The following ENTPD1 variants were observed in gnomAD, a reference collection of about 807,000 sequenced individuals.
ENTPD1 encodes ectonucleoside triphosphate diphosphohydrolase 1.
Under a neutral mutation model 57.0 loss-of-function variants are expected in ENTPD1, and 33 were observed. That is an observed-to-expected ratio of 0.58 (90% CI 0.44 to 0.77). The LOEUF is 0.77. Among genes scored for constraint, ENTPD1 ranks in the 30% least tolerant of loss-of-function variants. The pLI, the probability that ENTPD1 is intolerant of heterozygous loss-of-function variation, is 0.00. For synonymous variants in ENTPD1, 202 were observed against 218.8 expected (o/e 0.92, Z 0.68); for missense variants, 501 against 603.4 (o/e 0.83, Z 1.78).
intron 1 of ENTPD1, among the ~76,000 whole-genome samples, chr10:95,801,277 C>G (rs957154208): frequency 6.6e-6 from 1 of 152,124 alleles, no homozygotes; most frequent in African/African-American, 2.4e-5. Context: ...TTTGCCCATT[C>G]CTATGTCTGG....
At chr10:95,762,728 T>C (rs928889093) in intron 1 of ENTPD1, among the ~76,000 whole-genome samples, 1 of 152,214 alleles carries the variant, frequency 6.6e-6, no homozygotes, top group South Asian at 2.1e-4. Context: ...ACTTACTAGA[T>C]TGAAACTTGT....
chr10:95,700,858 T>C, the ENTPD1 span, among the ~76,000 whole-genome samples: 8 of 151,862 alleles, frequency 5.3e-5, no homozygotes, highest in Non-Finnish European at 7.4e-5. Context: ...AGTGGCATGA[T>C]CTCGGCTCAC....
intron 1 of ENTPD1, among the ~76,000 whole-genome samples, chr10:95,729,721 T>A (rs2097987397): frequency 1.3e-5 from 2 of 152,226 alleles, no homozygotes; most frequent in African/African-American, 4.8e-5. Flanking sequence ...CTTGGGTAGG[T>A]AAGAATTGAC....
In ENTPD1 at chr10:95,870,988, T is replaced by C; in HGVS notation, c.*4605T>C. 4.1e-6 allele frequency: 4 copies of C among 985,418 alleles called. No individual in the cohort carries two copies. The highest frequency in any genetic ancestry group is 4.8e-6 in the Non-Finnish European group (4 of 829,934). The allele number at this position is 985,418 out of a possible 1,614,324, so 61.0% of individuals were successfully genotyped here. A position where few individuals can be genotyped will look rare whatever the true frequency, so the allele number is the denominator to read the frequency against. Reference sequence around the variant, plus strand: ...CTCCTTGTCCAGTGGTTTCTAGGGATATGTTCTCATGATGAACCCCGCAGA... The same window carrying C: ...CTCCTTGTCCAGTGGTTTCTAGGGACATGTTCTCATGATGAACCCCGCAGA... On this transcript the variant is annotated 3_prime_UTR_variant, in exon 10 of 10. Transcript: ENST00000371205.
chr10:95,757,802 C>A (rs1467855995), intron 1 of ENTPD1, among the ~76,000 whole-genome samples: 1 of 151,592 alleles, frequency 6.6e-6, no homozygotes, highest in East Asian at 1.9e-4. Context: ...GTCAGGAGTT[C>A]GAGACCGGCC....
At chr10:95,772,666 G>C (rs528598530) in intron 1 of ENTPD1, among the ~76,000 whole-genome samples, 1 of 152,122 alleles carries the variant, frequency 6.6e-6, no homozygotes, top group African/African-American at 2.4e-5. Context: ...ATTCATGAGG[G>C]TTGGAGTCAA....
At chr10:95,782,213 T>C (rs2098160741) in intron 1 of ENTPD1, among the ~76,000 whole-genome samples, 1 of 152,230 alleles carries the variant, frequency 6.6e-6, no homozygotes, top group Non-Finnish European at 1.5e-5. Flanking sequence ...ACAACAACAA[T>C]TTTTAAATTG....
chr10:95,842,300 T>C (rs1305601378), intron 3 of ENTPD1, 44 bp from the exon 4 acceptor site: 8 of 1,548,306 alleles, frequency 5.2e-6, no homozygotes, highest in Non-Finnish European at 7.1e-6. Flanking sequence ...GTATGTTTTA[T>C]AATTTTTTTT....
chr10:95,756,987 C>G lies in ENTPD1; in HGVS notation c.16+732C>G, dbSNP rs563720538. 7.2e-5 allele frequency among the ~76,000 whole-genome samples: 11 copies of G among 152,324 alleles called. No homozygotes were observed. The East Asian group carries it at 2.1e-3, about 29-fold the overall frequency. On this transcript the variant is annotated intron_variant, in intron 1 of 9. Coordinates refer to ENST00000371205, the MANE Select transcript of ENTPD1 (RefSeq NM_001776.6). The stretch of plus-strand genomic sequence containing the variant: ...GGTGTGCAGTCTCTATCTTTTACCT[C>G]TTTTGGGCATTTTCTGCCAAGACGG...
Position 95,809,347 on chromosome 10 carries a change from G to A in ENTPD1, c.17-13890G>A, listed in dbSNP as rs867904842. The stretch of plus-strand genomic sequence containing the variant: ...CCAGATGGGGTGGCCGGGCAGAGGC[G>A]CCCCCCACCCCCAAGACGGGGCGGC... On this transcript the variant is annotated intron_variant, in intron 1 of 9. Coordinates refer to ENST00000371205, the MANE Select transcript of ENTPD1 (RefSeq NM_001776.6). Among the ~76,000 whole-genome samples, 73 of 148,142 alleles carry A rather than the reference G, an allele frequency of 4.9e-4. No individual in the cohort carries two copies. The Middle Eastern group carries it at 0.011, about 22-fold the overall frequency.
chr10:95,752,345 G>T (rs2098013374), upstream of ENTPD1, among the ~76,000 whole-genome samples: 3 of 152,150 alleles, frequency 2.0e-5, no homozygotes, highest in South Asian at 6.2e-4. Context: ...TAAAAATTGT[G>T]ATAAAATAGA....
chr10:95,825,990 C>T (rs1217414029), intron 2 of ENTPD1, among the ~76,000 whole-genome samples: 1 of 152,066 alleles, frequency 6.6e-6, no homozygotes, highest in East Asian at 1.9e-4. Flanking sequence ...TATTACACTC[C>T]AGTCTGGCTG....
At chr10:95,747,950 C>A (rs2098007824) in intron 1 of ENTPD1, among the ~76,000 whole-genome samples, 1 of 151,848 alleles carries the variant, frequency 6.6e-6, no homozygotes, top group Non-Finnish European at 1.5e-5. Flanking sequence ...CGGCTCACTG[C>A]AAGCTCTGCC....
At chr10:95,853,233 G>T (rs1252771205) in intron 7 of ENTPD1, among the ~76,000 whole-genome samples, 1 of 152,134 alleles carries the variant, frequency 6.6e-6, no homozygotes, top group Non-Finnish European at 1.5e-5. Context: ...CTCTCTGTTT[G>T]TCTGTTATTG....
chr10:95,743,622 AG>A (rs1411277891), intron 1 of ENTPD1, among the ~76,000 whole-genome samples: 2 of 152,192 alleles, frequency 1.3e-5, no homozygotes, highest in Non-Finnish European at 2.9e-5. Flanking sequence ...AGTCTATTTC[AG>A]TATAGACTCG....
chr10:95,871,640 A>C lies in ENTPD1; in HGVS notation c.*5257A>C. 1 of 985,372 alleles carries C rather than the reference A, an allele frequency of 1.0e-6. No individual in the cohort carries two copies. The highest frequency in any genetic ancestry group is 1.7e-5 in the African/African-American group (1 of 57,358). 61.0% of individuals were successfully genotyped at this position (985,372 alleles called of 1,614,324 possible). A position where few individuals can be genotyped will look rare whatever the true frequency, so the allele number is the denominator to read the frequency against. On this transcript the variant is annotated 3_prime_UTR_variant, in exon 10 of 10. Transcript: ENST00000371205. ...AGTGGCATTCAAGACTCTTCATTTGAAGTGAAGATTGCTATGTCTTTTGCA... is the reference window on the plus strand; with the variant it reads ...AGTGGCATTCAAGACTCTTCATTTGCAGTGAAGATTGCTATGTCTTTTGCA...
At chr10:95,792,645 C>T (rs2098209745) in intron 1 of ENTPD1, among the ~76,000 whole-genome samples, 1 of 152,134 alleles carries the variant, frequency 6.6e-6, no homozygotes, top group South Asian at 2.1e-4. Context: ...CTCCTGATTT[C>T]ATGGAAGACC....
rs191607193 is a variant in ENTPD1 at position 95,872,761 on chromosome 10, C to T, written c.*6378C>T. 1.4e-4 allele frequency: 137 copies of T among 985,452 alleles called. 2 individuals carry two copies. In the East Asian group the frequency reaches 6.6e-3, roughly 47 times the overall value. The allele number at this position is 985,452 out of a possible 1,614,324, so 61.0% of individuals were successfully genotyped here. The stretch of plus-strand genomic sequence containing the variant: ...CCCTTCTGTTGCTGGCGAGCTGGTC[C>T]GCACCACTAGTTCTGCTTCACTCTA... On this transcript the variant is annotated 3_prime_UTR_variant, in exon 10 of 10. Transcript: ENST00000371205.
intron 2 of ENTPD1, among the ~76,000 whole-genome samples, chr10:95,836,288 C>T (rs537491578): frequency 8.5e-5 from 13 of 152,086 alleles, no homozygotes; most frequent in African/African-American, 2.7e-4. Flanking sequence ...CTTAGGATTG[C>T]CTTGGCTATT....
Sources: gnomAD v4.1 joint callset for allele counts (sites outside exome capture counted in the v4.1 genomes callset) on GRCh38, gnomAD v4.1.1 for gene constraint, MANE v1.5 for transcripts, NCBI Gene and HGNC (gene_info 2026-07-23, HGNC 2026-07-21) for gene names.